The following GLB1L2 variants were observed in gnomAD, a reference collection of about 807,000 sequenced individuals.
GLB1L2 encodes beta-galactosidase-1-like protein 2.
GLB1L2 carries 68 observed loss-of-function variants against 84.1 expected under a neutral mutation model. The ratio of observed to expected loss-of-function variants is 0.81; its 90% confidence interval spans 0.67 to 0.99. The LOEUF is 0.99. Among genes scored for constraint, GLB1L2 ranks in the 50% least tolerant of loss-of-function variants. The pLI is 0.00. For synonymous variants in GLB1L2, 290 were observed against 318.0 expected (o/e 0.91, Z 0.94); for missense variants, 762 against 805.6 (o/e 0.95, Z 0.66).
chr11:134,369,941 G>T (rs1943924333), intron 11 of GLB1L2, 56 bp downstream of exon 11: 3 of 1,440,592 alleles, frequency 2.1e-6, no homozygotes, highest in Non-Finnish European at 2.9e-6. Flanking sequence ...TCTGCTCTCA[G>T]ACCCCTAAAG....
intron 3 of GLB1L2, 41 bp downstream of exon 3, chr11:134,344,496 G>A (rs942748864): frequency 1.2e-6 from 2 of 1,600,282 alleles, no homozygotes; most frequent in African/African-American, 2.7e-5. Context: ...CCAGGGGCAG[G>A]GCACAGAGGT....
intron 8 of GLB1L2, 173 bp downstream of exon 8, chr11:134,364,571 A>G: frequency 1.6e-6 from 1 of 606,184 alleles, no homozygotes; most frequent in Non-Finnish European, 2.9e-6. Context: ...GCCCAGAAAC[A>G]CCTCTGAGGG....
At chr11:134,356,528 G>C (rs1257879941) in intron 6 of GLB1L2, 135 bp downstream of exon 6, 2 of 626,542 alleles carry the variant, frequency 3.2e-6, no homozygotes, top group South Asian at 2.1e-5. Context: ...AATTTTCTCT[G>C]TTGTTTTATT....
chr11:134,355,151 T>A (rs1943684780), intron 5 of GLB1L2, among the ~76,000 whole-genome samples: 1 of 152,224 alleles, frequency 6.6e-6, no homozygotes, highest in African/African-American at 2.4e-5. Flanking sequence ...AATTTATATA[T>A]GGTATATTTC....
At chr11:134,358,362 G>A (rs949833473) in intron 6 of GLB1L2, among the ~76,000 whole-genome samples, 2 of 152,268 alleles carry the variant, frequency 1.3e-5, no homozygotes, top group Non-Finnish European at 2.9e-5. Context: ...GCAACTGCAA[G>A]GCTCGCGTAG....
At position 134,375,441 on chromosome 11, in the gene GLB1L2, G is replaced by T. The variant is rs1330889679; in HGVS notation, c.*383G>T. On this transcript the variant is annotated 3_prime_UTR_variant, in exon 19 of 19. Transcript: ENST00000535456. ...GCTGGACTCAGGCGTGCTCTTTGCT[G>T]GTTCCTGGGAGGCTTGGCCACATCC... The T allele has an allele frequency of 1.1e-5, 2 of 189,344 alleles. No individual in the cohort carries two copies. Among genetic ancestry groups the T allele is most frequent in the Non-Finnish European group, 2.1e-5 (2 of 93,384 alleles). The allele number at this position is 189,344 out of a possible 1,614,324, so 11.7% of individuals were successfully genotyped here.
chr11:134,342,955 G>A lies in GLB1L2; in HGVS notation c.284+4G>A. The A allele has an allele frequency of 6.2e-7, 1 of 1,605,626 alleles. No homozygotes were observed. The highest frequency in any genetic ancestry group is 1.3e-5 in the African/African-American group (1 of 74,820). ...GTGGCTTGAACACCCTCACCACGTA[G>A]GTGCTGCCCCTGTCCCCCCGGAGCC... On this transcript the variant is annotated splice_donor_region_variant and intron_variant, in intron 2 of 18. Transcript: ENST00000535456.
intron 5 of GLB1L2, among the ~76,000 whole-genome samples, chr11:134,349,168 C>T (rs910118000): frequency 2.0e-5 from 3 of 152,324 alleles, no homozygotes; most frequent in South Asian, 4.1e-4. Context: ...TGCATTTGAT[C>T]ATTTTAGCTA....
Position 134,339,561 on chromosome 11 carries a change from A to G in GLB1L2, c.87-3193A>G, listed in dbSNP as rs1157899223. 4.6e-5 allele frequency among the ~76,000 whole-genome samples: 7 copies of G among 152,098 alleles called. No homozygotes were observed. The highest frequency in any genetic ancestry group is 1.7e-4 in the African/African-American group (7 of 41,420). ...CAGAATTTGGAATTGGATAACAGCT[A>G]GATTGTTTTTTATTCTTGTTGTTTA... On this transcript the variant is annotated intron_variant, in intron 1 of 18. Transcript: ENST00000535456. The surrounding 1 kb of genome is among the most constrained non-coding windows in gnomAD (Gnocchi z 5.7).
rs1194842711 is a variant in GLB1L2 at position 134,338,976 on chromosome 11, G to A, written c.87-3778G>A. ...GGTTTGCTGTCCGGACTCTTCTAAG[G>A]TGGAAAAATCGCTTTGGATAAATGA... On this transcript the variant is annotated intron_variant, in intron 1 of 18. Transcript: ENST00000535456. The surrounding 1 kb of genome is among the most constrained non-coding windows in gnomAD (Gnocchi z 6.2). Among the ~76,000 whole-genome samples the A allele has an allele frequency of 6.6e-6, 1 of 152,170 alleles. No homozygotes were observed. The highest frequency in any genetic ancestry group is 1.5e-5 in the Non-Finnish European group (1 of 68,030).
chr11:134,341,183 T>G (rs919627224), intron 1 of GLB1L2, among the ~76,000 whole-genome samples: 3 of 152,194 alleles, frequency 2.0e-5, no homozygotes, highest in African/African-American at 7.2e-5. Flanking sequence ...GTGAATAGGT[T>G]CCCATAACTC....
intron 5 of GLB1L2, among the ~76,000 whole-genome samples, chr11:134,349,210 A>T: frequency 6.6e-6 from 1 of 152,170 alleles, no homozygotes; most frequent in Non-Finnish European, 1.5e-5. Flanking sequence ...TAGTATTGTG[A>T]CTGGATTATT....
chr11:134,359,074 TG>T lies in GLB1L2; in HGVS notation c.668del (p.Gly223AlafsTer7). The T allele has an allele frequency of 6.2e-7, 1 of 1,602,620 alleles. No individual in the cohort carries two copies. Among genetic ancestry groups the T allele is most frequent in the Non-Finnish European group, 8.5e-7 (1 of 1,174,248 alleles). ...PYVKKALEDR[G>X]IVELLLTSDN... ...TTCCCCCACAGGCACTGGAGGACCG[TG>T]GCATTGTGGAACTGCTCCTGACTTC... On this transcript the variant is annotated frameshift_variant, in exon 7 of 19. Transcript: ENST00000535456. LOFTEE classifies it high-confidence loss of function.
In GLB1L2 at chr11:134,370,501, G is replaced by A. The variant is rs1004440587; in HGVS notation, c.1215+102G>A. ...CAGTCGTCGGCGGGAGGTGAGAGTC[G>A]TCGGGGCAGCAGGGCCTGGAGCCCC... On this transcript the variant is annotated intron_variant, in intron 12 of 18. Coordinates refer to ENST00000535456, the MANE Select transcript of GLB1L2 (RefSeq NM_001370461.1). The surrounding 1 kb of genome is among the most constrained non-coding windows in gnomAD (Gnocchi z 4.7). 9.5e-5 allele frequency: 84 copies of A among 883,104 alleles called. No homozygotes were observed. The highest frequency in any genetic ancestry group is 1.3e-4 in the Non-Finnish European group (73 of 544,856). 54.7% of individuals were successfully genotyped at this position (883,104 alleles called of 1,614,324 possible).
At chr11:134,344,531 A>G (rs1943517681) in intron 3 of GLB1L2, 76 bp downstream of exon 3, 1 of 1,527,228 alleles carries the variant, frequency 6.5e-7, no homozygotes, top group Admixed American at 1.7e-5. Flanking sequence ...ATTAGCAACC[A>G]AAGAGAACCA....
intron 2 of GLB1L2, 49 bp from the exon 3 acceptor site, chr11:134,344,338 A>G: frequency 6.2e-7 from 1 of 1,605,970 alleles, no homozygotes; most frequent in Middle Eastern, 1.7e-4. Flanking sequence ...TGAGAGGTGA[A>G]ATGGAATGAA....
intron 8 of GLB1L2, among the ~76,000 whole-genome samples, chr11:134,366,691 C>T (rs1410991799): frequency 1.3e-5 from 2 of 152,182 alleles, no homozygotes; most frequent in Non-Finnish European, 2.9e-5. Context: ...AGGTATAAAT[C>T]CAAACTGTCA....
intron 13 of GLB1L2, 63 bp from the exon 14 acceptor site, chr11:134,371,358 G>A: frequency 1.6e-6 from 2 of 1,219,804 alleles, no homozygotes; most frequent in South Asian, 2.4e-5. Context: ...TCTTGGCCTG[G>A]AGGAGGTCCC....
intron 1 of GLB1L2, among the ~76,000 whole-genome samples, chr11:134,333,930 G>A (rs779532251): frequency 1.3e-5 from 2 of 152,208 alleles, no homozygotes; most frequent in African/African-American, 2.4e-5. Flanking sequence ...GTTCAGGGCC[G>A]TGTCTTCAGA....
Sources: allele counts gnomAD v4.1 joint callset (sites outside exome capture counted in the v4.1 genomes callset), GRCh38; gene constraint gnomAD v4.1.1; non-coding constraint Gnocchi (gnomAD v3.1); transcripts MANE v1.5; gene names NCBI Gene and HGNC (gene_info 2026-07-23, HGNC 2026-07-21).